Variants in ZNF320 observed in about 807,000 individuals in gnomAD.
ZNF320 encodes the protein zinc finger gene 320.
A neutral mutation model predicts 6.8 loss-of-function variants in ZNF320; 2 were observed. The ratio of observed to expected loss-of-function variants is 0.29; its 90% CI spans 0.12 to 0.93. ZNF320 has a LOEUF of 0.93. Ranked by LOEUF, ZNF320 falls within the 40% of genes least tolerant of loss-of-function variation. The pLI, the probability that ZNF320 is intolerant of heterozygous loss-of-function variation, is 0.55. For missense variants in ZNF320, 472 were observed against 611.0 expected (o/e 0.77, Z 2.40); for synonymous variants, 208 against 203.2 (o/e 1.02, Z -0.20).
At chr19:52,886,977 A>AAGGAAG (rs2064102785) in intron 5 of ZNF320, among the ~76,000 whole-genome samples, 7 of 123,150 alleles carry the variant, frequency 5.7e-5, no homozygotes, top group African/African-American at 9.5e-5. Context: ...AAAGAAAGAA[A>AAGGAAG]GAAGGAAGGA....
downstream of ZNF320, among the ~76,000 whole-genome samples, chr19:52,875,059 C>T (rs540769392): frequency 2.6e-5 from 4 of 152,268 alleles, no homozygotes; most frequent in South Asian, 4.1e-4. Context: ...ATTTTGGAAA[C>T]GATGTATTTT....
intron 5 of ZNF320, among the ~76,000 whole-genome samples, chr19:52,867,042 T>C (rs2063588181): frequency 6.6e-6 from 1 of 151,942 alleles, no homozygotes; most frequent in Admixed American, 6.6e-5. Context: ...GAATGTGTAC[T>C]GGGAAAATTG....
Position 52,881,433 on chromosome 19 carries a change from G to C in ZNF320, c.693C>G (p.Thr231=), listed in dbSNP as rs757460093. The change falls in exon 6 of 6, where the codon ACC becomes ACG. Residue 231 remains threonine (T), a synonymous_variant. Transcript: ENST00000682928. ...ECGKVFDQKA[T]LACHHRSHTG... ...TATGACTTCTATGATGACATGCAAG[G>C]GTTGCTTTTTGATCAAAAACCTTGC... 6.2e-7 allele frequency: 1 copy of C among 1,613,386 alleles called. No homozygotes were observed. The highest frequency in any genetic ancestry group is 1.7e-5 in the Admixed American group (1 of 59,928).
chr19:52,863,983 C>G, exon 6 of ZNF320: 1 of 442,544 alleles, frequency 2.3e-6, no homozygotes, highest in South Asian at 1.7e-5. Flanking sequence ...CAGGAAAAGC[C>G]AAGATACACA....
chr19:52,890,501 TC>T, intron 3 of ZNF320, 173 bp from the exon 4 acceptor site: 1 of 535,980 alleles, frequency 1.9e-6, no homozygotes, highest in Non-Finnish European at 3.2e-6. Flanking sequence ...ACTGGAGGAG[TC>T]CACACACACG....
chr19:52,893,657 A>G (rs915992324), intron 2 of ZNF320, 122 bp downstream of exon 2: 1 of 152,188 alleles, frequency 6.6e-6, no homozygotes, highest in Non-Finnish European at 1.5e-5. Context: ...AAAAAAAATC[A>G]TGGGCTTATC....
At chr19:52,861,070 T>G (rs1254014081) in exon 6 of ZNF320, among the ~76,000 whole-genome samples, 3 of 152,014 alleles carry the variant, frequency 2.0e-5, no homozygotes, top group Non-Finnish European at 2.9e-5. Context: ...AAGAAAGAAA[T>G]AAAATTGTAT....
chr19:52,896,854 G>C (rs11669971), intron 1 of ZNF320, among the ~76,000 whole-genome samples: 124,293 of 152,208 alleles, frequency 0.82, 51,090 homozygotes, highest in African/African-American at 0.88. Context: ...AAAGGCCGCT[G>C]TCCCTACCGC....
chr19:52,881,699 T>C lies in ZNF320; in HGVS notation c.427A>G (p.Arg143Gly), dbSNP rs2147817921. ...NKPIKGQLES[R>G]FHLHLRRHRR... is the part of the protein sequence containing the mutation. ...TGTCTTCGCAAATGCAAATGAAATC[T>C]TGATTCAAGCTGACCTTTAATAGGC... Residue 143 changes from arginine (R) to glycine (G), a missense_variant, in exon 6 of 6, where the codon AGA becomes GGA. Physicochemically the swap from Arg to Gly is moderately radical, Grantham distance 125. Coordinates refer to ENST00000682928, the MANE Select transcript of ZNF320 (RefSeq NM_001351774.2). 6.2e-7 allele frequency: 1 copy of C among 1,614,022 alleles called. No individual in the cohort carries two copies. Among genetic ancestry groups the C allele is most frequent in the Middle Eastern group, 1.7e-4 (1 of 6,056 alleles).
Position 52,879,159 on chromosome 19 carries a change from C to T in ZNF320, c.*1437G>A, listed in dbSNP as rs1343071214. On this transcript the variant is annotated 3_prime_UTR_variant, in exon 6 of 6. Coordinates refer to ENST00000682928, the MANE Select transcript of ZNF320 (RefSeq NM_001351774.2). ...TATCTTGGTGCAAAAAATGTGATAT[C>T]ATGCACAATTTTCTCATAATATGTA... The T allele has an allele frequency of 6.6e-6, 1 of 152,224 alleles. No individual in the cohort carries two copies. The highest frequency in any genetic ancestry group is 1.5e-5 in the Non-Finnish European group (1 of 68,070). 9.4% of individuals were successfully genotyped at this position (152,224 alleles called of 1,614,324 possible).
chr19:52,898,279 C>T (rs1481957822), upstream of ZNF320, among the ~76,000 whole-genome samples: 2 of 152,116 alleles, frequency 1.3e-5, no homozygotes, highest in Non-Finnish European at 2.9e-5. Context: ...GCCTGGGGTG[C>T]GGAGCGGAGG....
At position 52,880,914 on chromosome 19, in the gene ZNF320, T is replaced by G. The variant is rs768969674; in HGVS notation, c.1212A>C (p.Gln404His). ...AAAGTTTCTCTCCAGTATGAAGTTTTTGATGACATGCGAGGTACGCTTTTG... is the reference window on the plus strand; with the variant it reads ...AAAGTTTCTCTCCAGTATGAAGTTTGTGATGACATGCGAGGTACGCTTTTG... ...FSTKAYLACH[Q>H]KLHTGEKLYE... The change falls in exon 6 of 6, where the codon CAA becomes CAC. Residue 404 changes from glutamine (Q) to histidine (H), a missense_variant. Gln to His is a conservative substitution (Grantham distance 24). Transcript: ENST00000682928. 2 of 1,613,210 alleles carry G rather than the reference T, an allele frequency of 1.2e-6. No homozygotes were observed. Among genetic ancestry groups the G allele is most frequent in the Non-Finnish European group, 1.7e-6 (2 of 1,179,462 alleles).
chr19:52,891,765 C>A (rs1419514994), intron 2 of ZNF320, among the ~76,000 whole-genome samples: 1 of 152,092 alleles, frequency 6.6e-6, no homozygotes, highest in African/African-American at 2.4e-5. Context: ...ACTGATGTGA[C>A]CTGCTTTACA....
chr19:52,882,075 TA>T, intron 5 of ZNF320, 92 bp from the exon 6 acceptor site: 1 of 1,278,670 alleles, frequency 7.8e-7, no homozygotes. Flanking sequence ...CAAAAATACT[TA>T]TTTTAAACTT....
intron 5 of ZNF320, among the ~76,000 whole-genome samples, chr19:52,865,088 G>A (rs1008137953): frequency 3.9e-5 from 6 of 152,074 alleles, no homozygotes; most frequent in East Asian, 1.9e-4. Context: ...TTGGGAGGCA[G>A]AGGTGGGCAG....
chr19:52,866,760 C>G (rs12973227), intron 5 of ZNF320, among the ~76,000 whole-genome samples: 31,093 of 151,170 alleles, frequency 0.21, 3,284 homozygotes, highest in Non-Finnish European at 0.22. Context: ...AATGCAGCTA[C>G]TCAGTTGGCC....
In ZNF320 at chr19:52,880,844, G is replaced by A. The variant is rs1423700527; in HGVS notation, c.1282C>T (p.Leu428Phe). 1 of 1,613,824 alleles carries A rather than the reference G, an allele frequency of 6.2e-7. No homozygotes were observed. The highest frequency in any genetic ancestry group is 8.5e-7 in the Non-Finnish European group (1 of 1,179,874). ...GTATGAATCCTCCTATGTCTTTCAA[G>A]GTGTGATTTGCGAATGTAAACTTTG... ...CDKVYIRKSH[L>F]ERHRRIHTGE... The change falls in exon 6 of 6, where the codon CTT becomes TTT. Residue 428 changes from leucine (L) to phenylalanine (F), a missense_variant. By Grantham distance (22) the Leu-to-Phe change is conservative. Transcript: ENST00000682928.
the ZNF320 span, among the ~76,000 whole-genome samples, chr19:52,902,793 C>CT: frequency 6.6e-6 from 1 of 152,096 alleles, no homozygotes; most frequent in Admixed American, 6.6e-5. Flanking sequence ...TTTGTAGACT[C>CT]TTTTTAACTT....
In ZNF320 at chr19:52,890,250, A is replaced by G. The variant is rs1328476600; in HGVS notation, c.6T>C (p.Ala2=). ...GAGAATATCATCTCACCTGAGAAAG[A>G]GCCATCCCCGACTCCTTTGCTTTCC... M[A]LSQGLLTFRD... is the part of the protein sequence containing the mutation. The change falls in exon 4 of 6, where the codon GCT becomes GCC. Residue 2 remains alanine, a synonymous_variant. Coordinates refer to ENST00000682928, the MANE Select transcript of ZNF320 (RefSeq NM_001351774.2). 1 of 1,607,604 alleles carries G rather than the reference A, an allele frequency of 6.2e-7. No homozygotes were observed. Among genetic ancestry groups the G allele is most frequent in the Non-Finnish European group, 8.5e-7 (1 of 1,179,706 alleles).
Sources: allele counts gnomAD v4.1 joint callset (sites outside exome capture counted in the v4.1 genomes callset), GRCh38; gene constraint gnomAD v4.1.1; transcripts MANE v1.5; gene names NCBI Gene and HGNC (gene_info 2026-07-23, HGNC 2026-07-21).